SERGEF: variants seen among roughly 807,000 people sequenced by gnomAD.
SERGEF encodes secretion-regulating guanine nucleotide exchange factor.
Under a neutral mutation model 50.0 loss-of-function variants are expected in SERGEF, and 51 were observed. That is an observed-to-expected ratio of 1.02 (90% CI 0.81 to 1.29). SERGEF has a LOEUF of 1.29. Among genes scored for constraint, SERGEF ranks in the 50% most tolerant of loss-of-function variants. SERGEF has a pLI of 0.00. For missense variants in SERGEF, 521 were observed against 557.0 expected, an observed-to-expected ratio of 0.94 and a Z score of 0.65; for synonymous variants, 205 against 212.4, an observed-to-expected ratio of 0.97 and a Z score of 0.30.
At chr11:18,000,845 G>T (rs1031429661) in intron 4 of SERGEF, 14 of 567,820 alleles carry the variant, frequency 2.5e-5, no homozygotes, top group African/African-American at 2.4e-4. Context: ...TTTCTGTAAA[G>T]GGACAGTTAG....
At chr11:17,826,365 T>C (rs182815509) in intron 10 of SERGEF, among the ~76,000 whole-genome samples, 1 of 152,272 alleles carries the variant, frequency 6.6e-6, no homozygotes, top group East Asian at 1.9e-4. Flanking sequence ...ATCCCAAAAG[T>C]TTGCCGCAAC....
intron 9 of SERGEF, among the ~76,000 whole-genome samples, chr11:17,929,370 C>G (rs1042214047): frequency 6.6e-6 from 1 of 152,136 alleles, no homozygotes; most frequent in African/African-American, 2.4e-5. Context: ...AGTTTTTGCT[C>G]TCTTTGAGAC....
chr11:17,822,133 T>C (rs1357168856), intron 10 of SERGEF, among the ~76,000 whole-genome samples: 1 of 152,198 alleles, frequency 6.6e-6, no homozygotes. Context: ...CACCAGCATC[T>C]GGCTCAGGCT....
intron 6 of SERGEF, among the ~76,000 whole-genome samples, chr11:17,993,324 T>C (rs750706539): frequency 6.6e-6 from 1 of 152,246 alleles, no homozygotes; most frequent in Admixed American, 6.5e-5. Flanking sequence ...TGTAAATTCA[T>C]GATTTCTAGT....
At chr11:17,840,239 A>G (rs2133861777) in intron 10 of SERGEF, among the ~76,000 whole-genome samples, 1 of 152,376 alleles carries the variant, frequency 6.6e-6, no homozygotes, top group African/African-American at 2.4e-5. Flanking sequence ...TAGATACACT[A>G]CAGGATATTT....
At chr11:17,804,148 C>T (rs866836432) in intron 10 of SERGEF, among the ~76,000 whole-genome samples, 3 of 152,180 alleles carry the variant, frequency 2.0e-5, no homozygotes, top group African/African-American at 4.8e-5. Flanking sequence ...AACAGTGGCC[C>T]GATGACCATC....
At chr11:17,962,223 A>G (rs903664784) in intron 8 of SERGEF, among the ~76,000 whole-genome samples, 1 of 152,188 alleles carries the variant, frequency 6.6e-6, no homozygotes, top group African/African-American at 2.4e-5. Flanking sequence ...TGCTCTGTGT[A>G]CCATCCAGCT....
At chr11:17,849,261 T>C (rs566872782) in intron 10 of SERGEF, among the ~76,000 whole-genome samples, 2 of 152,352 alleles carry the variant, frequency 1.3e-5, no homozygotes, top group South Asian at 4.1e-4. Context: ...CCGTTGATCC[T>C]ACATGAAGTA....
intron 10 of SERGEF, among the ~76,000 whole-genome samples, chr11:17,834,258 CCTGT>C (rs760847486): frequency 2.6e-5 from 4 of 152,120 alleles, no homozygotes; most frequent in Admixed American, 6.5e-5. Flanking sequence ...CATTTTTTTG[CCTGT>C]CTACCACCCA....
At chr11:17,944,663 C>G (rs1442378945) in intron 9 of SERGEF, among the ~76,000 whole-genome samples, 1 of 152,136 alleles carries the variant, frequency 6.6e-6, no homozygotes, top group Non-Finnish European at 1.5e-5. Flanking sequence ...AACTACTGCA[C>G]CACTACCAGA....
At chr11:17,998,941 T>G (rs1853902939) in intron 5 of SERGEF, among the ~76,000 whole-genome samples, 1 of 152,144 alleles carries the variant, frequency 6.6e-6, no homozygotes, top group African/African-American at 2.4e-5. Flanking sequence ...CCTCCTAGTT[T>G]GTGGTATTTT....
chr11:17,788,168 C>T lies in SERGEF; in HGVS notation c.1294G>A (p.Asp432Asn), dbSNP rs778404271. ...IEDTESQKAM[D>N]KERNWKERQS... is the part of the protein sequence containing the mutation. ...CTTTCCTTCCAGTTTCTCTCTTTGT[C>T]CATGGCTTTCTGAGATTCAGTGTCC... The change falls in exon 11 of 11, where the codon GAC (aspartate) becomes AAC (asparagine). Residue 432 changes from aspartate (D) to asparagine (N), a missense_variant. Asp to Asn is a conservative substitution (Grantham distance 23). Coordinates refer to ENST00000265965, the MANE Select transcript of SERGEF (RefSeq NM_012139.4). 2 of 1,599,152 alleles carry T rather than the reference C, an allele frequency of 1.3e-6. No homozygotes were observed. Among genetic ancestry groups the T allele is most frequent in the South Asian group, 1.1e-5 (1 of 90,172 alleles).
intron 10 of SERGEF, among the ~76,000 whole-genome samples, chr11:17,829,996 C>G (rs1850265278): frequency 6.6e-6 from 1 of 152,218 alleles, no homozygotes; most frequent in South Asian, 2.1e-4. Context: ...GTAAAAAGGG[C>G]TTTCCTCCTT....
chr11:17,941,985 T>G (rs1401887300), intron 9 of SERGEF, among the ~76,000 whole-genome samples: 1 of 151,674 alleles, frequency 6.6e-6, no homozygotes, highest in Admixed American at 6.6e-5. Flanking sequence ...GGCTGTTTGG[T>G]TTTTGTTGTT....
In SERGEF at chr11:17,992,993, C is replaced by T; in HGVS notation, c.623G>A (p.Gly208Asp). Residue 208 changes from glycine (G) to aspartate (D), a missense_variant and splice_region_variant, in exon 7 of 11, where the codon GGT becomes GAT. Physicochemically the swap from Gly to Asp is moderately conservative, Grantham distance 94. Coordinates refer to ENST00000265965, the MANE Select transcript of SERGEF (RefSeq NM_012139.4). ...FTAKEPSRVT[G>D]LENSKAMCVL... ...ACACATTGCTTTAGAATTCTCTAGA[C>T]CTACAAAAGAAAAAATGTTCTTCTG... The T allele has an allele frequency of 6.2e-7, 1 of 1,613,630 alleles. No homozygotes were observed. Among genetic ancestry groups the T allele is most frequent in the Non-Finnish European group, 8.5e-7 (1 of 1,179,612 alleles).
intron 8 of SERGEF, among the ~76,000 whole-genome samples, chr11:17,971,799 C>T (rs527502191): frequency 6.6e-6 from 1 of 152,100 alleles, no homozygotes; most frequent in Admixed American, 6.5e-5. Context: ...ATAGTGATTC[C>T]TCTGATGGAT....
chr11:17,969,306 A>G (rs183839570), intron 8 of SERGEF, among the ~76,000 whole-genome samples: 155 of 152,228 alleles, frequency 1.0e-3, no homozygotes, highest in African/African-American at 3.3e-3. Flanking sequence ...ATGTTTCCCA[A>G]CTCATTTCAC....
intron 6 of SERGEF, among the ~76,000 whole-genome samples, chr11:17,994,528 A>G (rs1321142994): frequency 6.6e-6 from 1 of 151,958 alleles, no homozygotes; most frequent in Non-Finnish European, 1.5e-5. Flanking sequence ...GAGGGAACAC[A>G]AAGGAAAAGG....
chr11:17,993,054 G>A (rs943869379), intron 6 of SERGEF, 61 bp from the exon 7 acceptor site: 3 of 1,416,362 alleles, frequency 2.1e-6, no homozygotes, highest in African/African-American at 2.8e-5. Flanking sequence ...GGGCAGAGAG[G>A]GGGCACTCAG....
Sources: allele counts gnomAD v4.1 joint callset (sites outside exome capture counted in the v4.1 genomes callset), GRCh38; gene constraint gnomAD v4.1.1; transcripts MANE v1.5; gene names NCBI Gene and HGNC (gene_info 2026-07-23, HGNC 2026-07-21).